Variants in CNOT1 observed in about 807,000 individuals in gnomAD.
CNOT1 encodes CCR4-NOT transcription complex subunit 1.
A neutral mutation model predicts 273.8 loss-of-function variants in CNOT1; 15 were observed. The ratio of observed to expected loss-of-function variants is 0.05; its 90% CI spans 0.04 to 0.08. The LOEUF (loss-of-function observed/expected upper bound fraction) is 0.08. Among genes scored for constraint, CNOT1 ranks in the 10% least tolerant of loss-of-function variants. The probability of loss-of-function intolerance (pLI) is 1.00; values close to 1 mark genes in which losing one functional copy is unlikely to be tolerated. For missense variants in CNOT1, 1,644 were observed against 2,912.2 expected, an observed-to-expected ratio of 0.56 and a Z score of 10.02; for synonymous variants, 1,022 against 1,005.5, an observed-to-expected ratio of 1.02 and a Z score of -0.31.
At chr16:58,542,710 G>T in intron 31 of CNOT1, 142 bp from the exon 32 acceptor site, 1 of 1,293,924 alleles carries the variant, frequency 7.7e-7, no homozygotes, top group Non-Finnish European at 1.0e-6. Flanking sequence ...AACAAGCTGT[G>T]ATCTTGAAAC....
At chr16:58,566,511 A>C (rs747973844) in intron 16 of CNOT1, among the ~76,000 whole-genome samples, 11 of 152,260 alleles carry the variant, frequency 7.2e-5, no homozygotes, top group Non-Finnish European at 1.5e-4. Context: ...ATTCCACTGC[A>C]GATGGATTAA....
chr16:58,549,296 G>GAAA (rs59714224), intron 25 of CNOT1, among the ~76,000 whole-genome samples: 11 of 119,580 alleles, frequency 9.2e-5, no homozygotes, highest in Admixed American at 3.7e-4. Flanking sequence ...CAAAAAAATT[G>GAAA]AAAAAAAAAA....
At chr16:58,596,551 G>C (rs557218469) in intron 2 of CNOT1, among the ~76,000 whole-genome samples, 6 of 152,110 alleles carry the variant, frequency 3.9e-5, no homozygotes, top group African/African-American at 1.4e-4. Context: ...GTGAGGGCAA[G>C]GTGTTTTCAT....
At chr16:58,584,353 CG>C (rs2041763768) in intron 8 of CNOT1, among the ~76,000 whole-genome samples, 1 of 151,420 alleles carries the variant, frequency 6.6e-6, no homozygotes, top group South Asian at 2.1e-4. Context: ...TTTTTTTTGA[CG>C]AAGTCTCGCT....
chr16:58,597,706 C>A, intron 2 of CNOT1: 1 of 511,890 alleles, frequency 2.0e-6, no homozygotes, highest in Non-Finnish European at 4.0e-6. Flanking sequence ...GCCAGGCAAG[C>A]CAATACCCAC....
rs200959529 is a variant in CNOT1 at position 58,534,210 on chromosome 16, T to G, written c.5832A>C (p.Ala1944=). Residue 1944 remains alanine (A), a synonymous_variant, in exon 40 of 49, where the codon GCA becomes GCC. Transcript: ENST00000317147. ...CCTCCCCTGAGTGTTTCACGAGCAG[T>G]GCAATGAGTCGAACAAAGGCATCCA... ...HNLDAFVRLI[A]LLVKHSGEAT... is the part of the protein sequence containing the mutation. The G allele has an allele frequency of 2.5e-6, 4 of 1,614,204 alleles. No homozygotes were observed. In the Admixed American group the frequency reaches 6.7e-5, roughly 27 times the overall value.
intron 16 of CNOT1, among the ~76,000 whole-genome samples, chr16:58,565,427 T>G (rs1164994751): frequency 6.6e-6 from 1 of 152,178 alleles, no homozygotes; most frequent in African/African-American, 2.4e-5. Context: ...CACTATATAT[T>G]TTCTATGAAC....
In CNOT1 at chr16:58,574,626, A is replaced by G. The variant is rs200437528; in HGVS notation, c.1962T>C (p.Cys654=). 1 of 1,592,280 alleles carries G rather than the reference A, an allele frequency of 6.3e-7. No homozygotes were observed. The highest frequency in any genetic ancestry group is 2.2e-5 in the East Asian group (1 of 44,752). The change falls in exon 16 of 49, where the codon TGT becomes TGC. Residue 654 remains cysteine, a synonymous_variant. Coordinates refer to ENST00000317147, the MANE Select transcript of CNOT1 (RefSeq NM_016284.5). ...PPETLATMLA[C]LQACAGSVSQ... ...CTTCTTACCCTGCACAAGCTTGCAG[A>G]CAGGCCAACATTGTCGCCAAAGTTT...
At chr16:58,621,910 CAAAAAAA>C (rs58087048) in intron 1 of CNOT1, among the ~76,000 whole-genome samples, 56,264 of 85,942 alleles carry the variant, frequency 0.65, 16,875 homozygotes, top group Middle Eastern at 0.77. Flanking sequence ...GACTCCGTCT[CAAAAAAA>C]AAAAAAAAAA....
At chr16:58,596,747 G>C (rs2152002173) in intron 2 of CNOT1, among the ~76,000 whole-genome samples, 1 of 152,048 alleles carries the variant, frequency 6.6e-6, no homozygotes, top group East Asian at 1.9e-4. Context: ...AATTAGCCGG[G>C]TGTGGTGGCG....
chr16:58,524,651 T>C (rs2039525129), intron 46 of CNOT1, among the ~76,000 whole-genome samples: 1 of 152,166 alleles, frequency 6.6e-6, no homozygotes, highest in African/African-American at 2.4e-5. Context: ...ACTGTACAAC[T>C]AGTTAGCACC....
In CNOT1 at chr16:58,579,006, A is replaced by C. The variant is rs533825340; in HGVS notation, c.1344-67T>G. On this transcript the variant is annotated intron_variant, in intron 12 of 48. Transcript: ENST00000317147. ...AAGTATACAGATTAATTTTCAAAAT[A>C]AGTGATACCAGCTTGTAAGCACAAA... The C allele has an allele frequency of 2.9e-5, 45 of 1,559,812 alleles. No homozygotes were observed. In the African/African-American group the frequency reaches 5.7e-4, roughly 20 times the overall value.
At chr16:58,584,146 C>A (rs1379182793) in intron 8 of CNOT1, among the ~76,000 whole-genome samples, 25 of 137,508 alleles carry the variant, frequency 1.8e-4, no homozygotes, top group East Asian at 2.2e-4. Flanking sequence ...CCAGCCTGGG[C>A]AACAGAGCAA....
chr16:58,578,616 T>A (rs77054947), intron 13 of CNOT1, 83 bp downstream of exon 13: 4 of 1,509,894 alleles, frequency 2.6e-6, no homozygotes, highest in African/African-American at 2.9e-5. Context: ...TAAAAAAAAA[T>A]TTCTCTGGTT....
chr16:58,531,846 T>C, intron 42 of CNOT1, 112 bp downstream of exon 42: 1 of 1,299,176 alleles, frequency 7.7e-7, no homozygotes, highest in African/African-American at 1.5e-5. Context: ...CCAACTAAGT[T>C]TGGAAGAAGT....
At chr16:58,550,378 C>G (rs1337028354) in intron 24 of CNOT1, among the ~76,000 whole-genome samples, 2 of 152,162 alleles carry the variant, frequency 1.3e-5, no homozygotes, top group Non-Finnish European at 2.9e-5. Flanking sequence ...AATACCTCCA[C>G]TACCTCGGAG....
In CNOT1 at chr16:58,525,438, C is replaced by A; in HGVS notation, c.6604-79G>T. On this transcript the variant is annotated intron_variant, in intron 45 of 48. Coordinates refer to ENST00000317147, the MANE Select transcript of CNOT1 (RefSeq NM_016284.5). ...CTAGCACCAGTATTTCTAAACCCTT[C>A]TTACACCTTCATGGAAAGGCCAAAC... 4.9e-6 allele frequency: 6 copies of A among 1,236,898 alleles called. No homozygotes were observed. The South Asian group carries it at 5.5e-5, about 11-fold the overall frequency. The allele number at this position is 1,236,898 out of a possible 1,614,324, so 76.6% of individuals were successfully genotyped here. A position where few individuals can be genotyped will look rare whatever the true frequency, so the allele number is the denominator to read the frequency against.
intron 22 of CNOT1, among the ~76,000 whole-genome samples, chr16:58,552,949 G>A (rs374405522): frequency 1.3e-5 from 2 of 152,074 alleles, no homozygotes; most frequent in African/African-American, 2.4e-5. Context: ...TATTCCTTAC[G>A]TCTATTTTCC....
At chr16:58,600,694 T>C (rs2042429444) in intron 1 of CNOT1, among the ~76,000 whole-genome samples, 1 of 152,222 alleles carries the variant, frequency 6.6e-6, no homozygotes, top group Admixed American at 6.5e-5. Context: ...AACTGTTCCC[T>C]GGGAGAATTC....
Sources: allele counts gnomAD v4.1 joint callset (sites outside exome capture counted in the v4.1 genomes callset), GRCh38; gene constraint gnomAD v4.1.1; transcripts MANE v1.5; gene names NCBI Gene and HGNC (gene_info 2026-07-23, HGNC 2026-07-21).